Variants in AXDND1 observed in about 807,000 individuals in gnomAD.
AXDND1 encodes axonemal dynein light chain domain-containing protein 1.
A neutral mutation model predicts 137.5 loss-of-function variants in AXDND1; 110 were observed. That is an observed-to-expected ratio of 0.80 (90% CI 0.69 to 0.94). AXDND1 has a LOEUF of 0.94. Ranked by LOEUF, AXDND1 falls within the 40% of genes least tolerant of loss-of-function variation. The probability of loss-of-function intolerance (pLI) is 0.00; values close to 1 mark genes in which losing one functional copy is unlikely to be tolerated. For missense variants in AXDND1, 1,191 were observed against 1,169.8 expected (o/e 1.02, Z -0.26); for synonymous variants, 414 against 399.7 (o/e 1.04, Z -0.43).
chr1:179,411,596 T>C (rs1360846113), intron 12 of AXDND1, among the ~76,000 whole-genome samples: 1 of 152,200 alleles, frequency 6.6e-6, no homozygotes, highest in East Asian at 1.9e-4. Context: ...TTTGTGGGCT[T>C]TGAAAAGGAA....
rs752482764 is a variant in AXDND1, at chr1:179,483,138, G to A, written c.2008G>A (p.Ala670Thr). 2.5e-5 allele frequency: 40 copies of A among 1,596,868 alleles called. No homozygotes were observed. The African/African-American group carries it at 2.6e-4, about 10-fold the overall frequency. Residue 670 changes from alanine to threonine, a missense_variant, in exon 18 of 26, where the codon GCG becomes ACG. Ala to Thr is a moderately conservative substitution (Grantham distance 58, BLOSUM62 0). Transcript: ENST00000367618. ...TGATTTTTCCTTCAGGGTACTCCAA[G>A]CGTATATATTTAACATGATTCAACA... The part of the protein sequence containing the change: ...IDVDSVSVLQ[A>T]YIFNMIQQWL...
intron 20 of AXDND1, among the ~76,000 whole-genome samples, chr1:179,502,380 C>T (rs925469606): frequency 1.3e-4 from 20 of 151,834 alleles, no homozygotes; most frequent in African/African-American, 4.8e-4. Flanking sequence ...GCCTGGCCAG[C>T]GTGGTGAACC....
chr1:179,551,087 G>T, intron 25 of AXDND1: 1 of 1,550,108 alleles, frequency 6.5e-7, no homozygotes, highest in Non-Finnish European at 8.9e-7. Context: ...CAAAGGAAGG[G>T]CAGGGAATGA....
intron 15 of AXDND1, among the ~76,000 whole-genome samples, chr1:179,439,844 TTCCA>T: frequency 6.7e-6 from 1 of 149,636 alleles, no homozygotes; most frequent in South Asian, 2.1e-4. Flanking sequence ...CAGTCTCCCA[TTCCA>T]TGGCCACACG....
chr1:179,468,481 G>A lies in AXDND1; in HGVS notation c.1837G>A (p.Asp613Asn), dbSNP rs1663511254. 6.2e-7 allele frequency: 1 copy of A among 1,612,360 alleles called. No individual in the cohort carries two copies. The highest frequency in any genetic ancestry group is 1.1e-5 in the South Asian group (1 of 90,886). ...TCTTCCAAGTTTGATTAGTTCTCTT[G>A]ACTTCTGTTCTTTCAAGTTGGAAAA... is the stretch of plus-strand genomic sequence containing the variant. ...KILPSLISSL[D>N]FCSFKLENLE... is the part of the protein sequence containing the mutation. Residue 613 changes from aspartate (D) to asparagine (N), a missense_variant, in exon 17 of 26, where the codon GAC becomes AAC. By Grantham distance (23) the Asp-to-Asn change is conservative. Transcript: ENST00000367618.
chr1:179,470,779 G>T (rs1269829140), intron 17 of AXDND1, among the ~76,000 whole-genome samples: 2 of 151,918 alleles, frequency 1.3e-5, no homozygotes, highest in African/African-American at 4.8e-5. Flanking sequence ...TTGCCTAATT[G>T]CTTTGGCTAG....
chr1:179,422,335 A>G (rs544796790), intron 12 of AXDND1, among the ~76,000 whole-genome samples: 68 of 152,070 alleles, frequency 4.5e-4, no homozygotes, highest in African/African-American at 1.5e-3. Flanking sequence ...CTGTTTTTAC[A>G]TTTTCATTTA....
chr1:179,501,004 A>G (rs1251093460), intron 20 of AXDND1, among the ~76,000 whole-genome samples: 1 of 152,194 alleles, frequency 6.6e-6, no homozygotes, highest in African/African-American at 2.4e-5. Context: ...TCACCTCTCC[A>G]GTCATATTAG....
rs1657205793 is a variant in AXDND1 at position 179,430,479 on chromosome 1, A to G, written c.1360A>G (p.Lys454Glu). The change falls in exon 14 of 26, where the codon AAG (lysine) becomes GAG (glutamate). Residue 454 changes from lysine (K) to glutamate (E), a missense_variant. Lys to Glu is a moderately conservative substitution (Grantham distance 56). Transcript: ENST00000367618. ...KDTEDLALLQKLTQKWRNLVN... is the reference protein window; with the variant it reads ...KDTEDLALLQELTQKWRNLVN... The stretch of plus-strand genomic sequence containing the variant: ...CACTGAAGACCTTGCACTGTTGCAG[A>G]AGTTGACACAAAAATGGAGAAACTT... The G allele has an allele frequency of 6.2e-7, 1 of 1,613,708 alleles. No homozygotes were observed.
rs4651042 is a variant in AXDND1, at chr1:179,532,448, G to A, written c.2716-1347G>A. Among the ~76,000 whole-genome samples, 159 of 152,098 alleles carry A rather than the reference G, an allele frequency of 1.0e-3. 1 individual carries two copies. Among genetic ancestry groups the A allele is most frequent in the Middle Eastern group, 3.4e-3 (1 of 294 alleles). On this transcript the variant is annotated intron_variant, in intron 23 of 25. Coordinates refer to ENST00000367618, the MANE Select transcript of AXDND1 (RefSeq NM_144696.6). ...AATAAGTTAGTAGTGTGTGCCAGGC[G>A]GGCACAGCCACACCACATACCTTAG...
chr1:179,393,983 T>C lies in AXDND1; in HGVS notation c.944T>C (p.Met315Thr). ...FYKDLVTQRV[M>T]DQRILEELYN... ...AAAGACTTGGTAACTCAGCGAGTGA[T>C]GGACCAGCGCATTTTAGAAGAATTG... Residue 315 changes from methionine to threonine, a missense_variant, in exon 10 of 26, where the codon ATG becomes ACG. Physicochemically the swap from Met to Thr is moderately conservative, Grantham distance 81. Transcript: ENST00000367618. 1.9e-6 allele frequency: 3 copies of C among 1,611,900 alleles called. No homozygotes were observed. The highest frequency in any genetic ancestry group is 1.1e-5 in the South Asian group (1 of 90,666).
chr1:179,534,759 A>G lies in AXDND1; in HGVS notation c.2828A>G (p.Glu943Gly), dbSNP rs1265751456. The G allele has an allele frequency of 6.3e-7, 1 of 1,592,952 alleles. No individual in the cohort carries two copies. Among genetic ancestry groups the G allele is most frequent in the Non-Finnish European group, 8.5e-7 (1 of 1,175,148 alleles). Residue 943 changes from glutamate to glycine, a missense_variant, in exon 25 of 26, where the codon GAG becomes GGG. Physicochemically the swap from Glu to Gly is moderately conservative, Grantham distance 98. Transcript: ENST00000367618. ...GTTGAAAATAGAGCCAGACAGGCAGAGGAGAAGTTTGAAGATGCATATGAG... is the reference window on the plus strand; with the variant it reads ...GTTGAAAATAGAGCCAGACAGGCAGGGGAGAAGTTTGAAGATGCATATGAG... ...LEVENRARQA[E>G]EKFEDAYEKL...
chr1:179,367,559 A>C (rs1016102933), intron 2 of AXDND1, among the ~76,000 whole-genome samples: 6 of 151,618 alleles, frequency 4.0e-5, no homozygotes, highest in Admixed American at 3.3e-4. Context: ...CAACGTGGTG[A>C]AACCCGGTCT....
chr1:179,386,310 A>C (rs1479347925), intron 9 of AXDND1, among the ~76,000 whole-genome samples: 1 of 151,666 alleles, frequency 6.6e-6, no homozygotes, highest in Non-Finnish European at 1.5e-5. Flanking sequence ...GGCCTTCCAA[A>C]GTGCTGGGAT....
chr1:179,449,009 C>A lies in AXDND1; in HGVS notation c.1798+3805C>A, dbSNP rs115535758. On this transcript the variant is annotated intron_variant, in intron 16 of 25. Coordinates refer to ENST00000367618, the MANE Select transcript of AXDND1 (RefSeq NM_144696.6). ...TTAAGCAATCCTCCCACCTCAACCT[C>A]TGAGTAGCTAGGACTACAGGTGTGT... The A allele has an allele frequency of 9.9e-3, 3,296 of 332,532 alleles. 112 individuals are homozygous for A. Among genetic ancestry groups the A allele is most frequent in the African/African-American group, 0.068 (3,006 of 44,344 alleles). The allele number at this position is 332,532 out of a possible 1,614,324, so 20.6% of individuals were successfully genotyped here.
At chr1:179,373,940 C>T (rs547464388) in intron 4 of AXDND1, among the ~76,000 whole-genome samples, 88 of 152,224 alleles carry the variant, frequency 5.8e-4, no homozygotes, top group African/African-American at 2.1e-3. Context: ...GTCTAAAACA[C>T]CAAAAGCAAT....
intron 16 of AXDND1, among the ~76,000 whole-genome samples, chr1:179,458,487 A>G (rs1354381393): frequency 6.6e-6 from 1 of 152,132 alleles, no homozygotes; most frequent in Non-Finnish European, 1.5e-5. Flanking sequence ...TTATGACAGT[A>G]GGTGCAAACG....
chr1:179,405,710 TTTTG>T (rs144564997), intron 11 of AXDND1, among the ~76,000 whole-genome samples: 50,100 of 151,546 alleles, frequency 0.33, 8,663 homozygotes, highest in Middle Eastern at 0.43. Context: ...TTATATCTCT[TTTTG>T]TTTGTTTGTT....
intron 25 of AXDND1, among the ~76,000 whole-genome samples, chr1:179,535,558 C>A (rs1450259152): frequency 1.3e-5 from 2 of 152,094 alleles, no homozygotes; most frequent in Admixed American, 6.5e-5. Context: ...TGAACTCATC[C>A]TTTTTTATGG....
Sources: allele counts gnomAD v4.1 joint callset (sites outside exome capture counted in the v4.1 genomes callset), GRCh38; gene constraint gnomAD v4.1.1; transcripts MANE v1.5; gene names NCBI Gene and HGNC (gene_info 2026-07-23, HGNC 2026-07-21).